The following COL5A1 variants were observed in gnomAD, a reference collection of about 807,000 sequenced individuals.
COL5A1 encodes the protein collagen alpha-1(V) chain.
In COL5A1, 16 loss-of-function variants were observed where a neutral mutation model predicts 263.7. That is an observed-to-expected ratio of 0.06 (90% confidence interval 0.04 to 0.09). The LOEUF (loss-of-function observed/expected upper bound fraction) is 0.09, where lower values mean the gene tolerates loss of function less well. Among genes scored for constraint, COL5A1 ranks in the 10% least tolerant of loss-of-function variants. The probability of loss-of-function intolerance (pLI) is 1.00; values close to 1 mark genes in which losing one functional copy is unlikely to be tolerated. For synonymous variants in COL5A1, 1,012 were observed against 1,004.5 expected (o/e 1.01, Z -0.14); for missense variants, 2,036 against 2,540.5 (o/e 0.80, Z 4.27).
intron 18 of COL5A1, among the ~76,000 whole-genome samples, chr9:134,760,681 CCA>C (rs529646672): frequency 1.5e-3 from 203 of 134,574 alleles, no homozygotes; most frequent in Non-Finnish European, 2.6e-3. Context: ...TGCACACCCC[CCA>C]CACTCATACA....
chr9:134,791,004 C>T (rs1177965983), intron 32 of COL5A1, among the ~76,000 whole-genome samples: 1 of 152,188 alleles, frequency 6.6e-6, no homozygotes, highest in Non-Finnish European at 1.5e-5. Context: ...CTCCCATGCT[C>T]CTGACTGGGG....
intron 65 of COL5A1, among the ~76,000 whole-genome samples, chr9:134,840,807 T>C (rs1356806337): frequency 6.6e-6 from 1 of 152,166 alleles, no homozygotes; most frequent in Non-Finnish European, 1.5e-5. Context: ...CGGGTGCCTC[T>C]TTTATAGGGG....
At chr9:134,827,899 G>A (rs896518323) in intron 63 of COL5A1, among the ~76,000 whole-genome samples, 1 of 152,270 alleles carries the variant, frequency 6.6e-6, no homozygotes, top group African/African-American at 2.4e-5. Flanking sequence ...ATTTGGAAAC[G>A]AGAGAGGGTG....
chr9:134,758,103 C>T lies in COL5A1; in HGVS notation c.1882-140C>T. 2 of 801,162 alleles carry T rather than the reference C, an allele frequency of 2.5e-6. No individual in the cohort carries two copies. Among genetic ancestry groups the T allele is most frequent in the Non-Finnish European group, 4.3e-6 (2 of 464,250 alleles). The allele number at this position is 801,162 out of a possible 1,614,324, so 49.6% of individuals were successfully genotyped here. On this transcript the variant is annotated intron_variant, in intron 17 of 65. Transcript: ENST00000371817. This position sits in a 1 kb window ranked among gnomAD's most constrained non-coding sequence, Gnocchi z 4.1. Reference sequence around the variant, plus strand: ...AAAGTGGGGGCCTATGGGGAGAGGGCTGGCCGATGGGGTTCAGGGTGCATA... The same window carrying T: ...AAAGTGGGGGCCTATGGGGAGAGGGTTGGCCGATGGGGTTCAGGGTGCATA...
rs1207235666 is a variant in COL5A1 at position 134,765,855 on chromosome 9, C to G, written c.2088+121C>G. 7.7e-6 allele frequency: 6 copies of G among 777,036 alleles called. No individual in the cohort carries two copies. Among genetic ancestry groups the G allele is most frequent in the Non-Finnish European group, 1.3e-5 (6 of 473,994 alleles). 48.1% of individuals were successfully genotyped at this position (777,036 alleles called of 1,614,324 possible). ...CCGTGCTGGCCCCTCTGGCGCCTGC[C>G]TGCTGCCAGTGTGAGGCGTGAGCGG... On this transcript the variant is annotated intron_variant, in intron 21 of 65. Coordinates refer to ENST00000371817, the MANE Select transcript of COL5A1 (RefSeq NM_000093.5). The surrounding 1 kb of genome is among the most constrained non-coding windows in gnomAD (Gnocchi z 5.1).
chr9:134,735,176 G>A (rs1835052216), intron 9 of COL5A1, among the ~76,000 whole-genome samples: 1 of 150,208 alleles, frequency 6.7e-6, no homozygotes, highest in Non-Finnish European at 1.5e-5. Context: ...TTGCGCCACT[G>A]CACTCCAGCC....
chr9:134,745,598 C>T (rs1261739314), intron 11 of COL5A1, among the ~76,000 whole-genome samples: 2 of 152,172 alleles, frequency 1.3e-5, no homozygotes, highest in Non-Finnish European at 2.9e-5. Flanking sequence ...GCCCCGCTTC[C>T]AGTCTTTTAG....
intron 2 of COL5A1, among the ~76,000 whole-genome samples, chr9:134,694,775 T>G (rs1273413814): frequency 6.6e-6 from 1 of 151,794 alleles, no homozygotes. Flanking sequence ...GCGGGGAGGG[T>G]TGGGACTTCC....
intron 1 of COL5A1, among the ~76,000 whole-genome samples, chr9:134,646,912 T>C (rs1388422987): frequency 6.6e-6 from 1 of 152,210 alleles, no homozygotes; most frequent in Non-Finnish European, 1.5e-5. Context: ...GACAAGTCAC[T>C]GCACCTCAGC....
Position 134,780,146 on chromosome 9 carries a change from G to GGTAA in COL5A1, c.2430+3_2430+6dup. The GGTAA allele has an allele frequency of 6.2e-7, 1 of 1,613,328 alleles. No homozygotes were observed. Among genetic ancestry groups the GGTAA allele is most frequent in the Non-Finnish European group, 8.5e-7 (1 of 1,180,022 alleles). ...GTCTGAAGGGCACAAAGGGCGAGAA[G>GGTAA]GTAAGTCTCTCCTTGCAGCCACGGG... On this transcript the variant is annotated frameshift_variant and splice_region_variant. Coordinates refer to ENST00000371817, the MANE Select transcript of COL5A1 (RefSeq NM_000093.5). LOFTEE classifies it high-confidence loss of function.
intron 48 of COL5A1, among the ~76,000 whole-genome samples, chr9:134,813,233 C>CACATCGGTGCATGTGTGT (rs1838608303): frequency 6.6e-6 from 1 of 151,990 alleles, no homozygotes; most frequent in South Asian, 2.1e-4. Context: ...CTCCTGTGTG[C>CACATCGGTGCATGTGTGT]ACATCGGTGC....
chr9:134,691,152 C>G (rs1199552573), intron 2 of COL5A1, 73 bp downstream of exon 2: 9 of 1,588,064 alleles, frequency 5.7e-6, no homozygotes, highest in East Asian at 4.5e-5. Flanking sequence ...GAGCAGCGCT[C>G]AAGCCTGCGT....
chr9:134,810,263 C>T lies in COL5A1; in HGVS notation c.3483C>T (p.Ile1161=), dbSNP rs576483507. 41 of 1,614,112 alleles carry T rather than the reference C, an allele frequency of 2.5e-5. No homozygotes were observed. The highest frequency in any genetic ancestry group is 5.3e-5 in the African/African-American group (4 of 75,068). ...CCCACACCTTCCCCTAGGGAGAGAT[C>T]GGGGAGCCGGGGCAGAAAGGAAGCA... ...PPGEDGDKGE[I]GEPGQKGSKG... The change falls in exon 44 of 66, where the codon ATC becomes ATT. Residue 1161 remains isoleucine, a synonymous_variant. Coordinates refer to ENST00000371817, the MANE Select transcript of COL5A1 (RefSeq NM_000093.5).
chr9:134,738,843 A>T lies in COL5A1; in HGVS notation c.1494+35A>T, dbSNP rs188490047. On this transcript the variant is annotated intron_variant, in intron 11 of 65. Coordinates refer to ENST00000371817, the MANE Select transcript of COL5A1 (RefSeq NM_000093.5). ...TGACTGTGTTTCCTGAGATCACACA[A>T]GGTGTGGGGCTGCCCACGCCTCCTC... 2.2e-5 allele frequency: 34 copies of T among 1,577,460 alleles called. No homozygotes were observed. In the African/African-American group the frequency reaches 4.6e-4, roughly 21 times the overall value.
intron 63 of COL5A1, among the ~76,000 whole-genome samples, chr9:134,827,489 G>A (rs1461998695): frequency 6.6e-6 from 1 of 152,240 alleles, no homozygotes; most frequent in African/African-American, 2.4e-5. Context: ...CAGAGGCCCC[G>A]CGTGGAATTC....
intron 4 of COL5A1, among the ~76,000 whole-genome samples, chr9:134,717,860 G>C (rs1205278136): frequency 6.6e-6 from 1 of 152,218 alleles, no homozygotes; most frequent in Non-Finnish European, 1.5e-5. Context: ...TGGACGAGGA[G>C]GGGGCCTGGG....
chr9:134,728,889 G>A, intron 6 of COL5A1, 82 bp downstream of exon 6: 1 of 1,581,944 alleles, frequency 6.3e-7, no homozygotes, highest in Non-Finnish European at 8.7e-7. Flanking sequence ...GAGAGGTTGT[G>A]TCAGGGTAGA....
At chr9:134,692,470 G>C (rs1564391544) in intron 2 of COL5A1, among the ~76,000 whole-genome samples, 1 of 152,092 alleles carries the variant, frequency 6.6e-6, no homozygotes, top group Admixed American at 6.6e-5. Context: ...ACCCTTTTCT[G>C]CCCCATGACC....
intron 27 of COL5A1, among the ~76,000 whole-genome samples, chr9:134,776,105 A>G (rs1837042872): frequency 6.6e-6 from 1 of 152,152 alleles, no homozygotes; most frequent in Non-Finnish European, 1.5e-5. Flanking sequence ...TCCATTTCCC[A>G]GGAATGAGGA....
Sources: allele counts gnomAD v4.1 joint callset (sites outside exome capture counted in the v4.1 genomes callset), GRCh38; gene constraint gnomAD v4.1.1; non-coding constraint Gnocchi (gnomAD v3.1); transcripts MANE v1.5; gene names NCBI Gene and HGNC (gene_info 2026-07-23, HGNC 2026-07-21).